The following CENPP variants were observed in gnomAD, a reference collection of about 807,000 sequenced individuals.
CENPP encodes the protein centromere protein P.
A neutral mutation model predicts 35.6 loss-of-function variants in CENPP; 24 were observed. The observed-to-expected ratio is 0.67, with a 90% CI of 0.49 to 0.95. The LOEUF (loss-of-function observed/expected upper bound fraction) is 0.95. CENPP is among the 40% of genes least tolerant of loss of function. CENPP has a pLI of 0.00. For synonymous variants in CENPP, 120 were observed against 125.5 expected (o/e 0.96, Z 0.29); for missense variants, 332 against 345.3 (o/e 0.96, Z 0.31).
intron 5 of CENPP, among the ~76,000 whole-genome samples, chr9:92,582,819 C>A (rs929168067): frequency 7.9e-5 from 12 of 152,076 alleles, no homozygotes; most frequent in Non-Finnish European, 1.6e-4. Flanking sequence ...TCTCAAAGGG[C>A]AGGAAGAGTA....
At chr9:92,501,073 A>T in intron 5 of CENPP, 1 of 1,608,242 alleles carries the variant, frequency 6.2e-7, no homozygotes, top group East Asian at 2.2e-5. Flanking sequence ...AGAAAAAAGT[A>T]AACAGGGTAG....
intron 4 of CENPP, among the ~76,000 whole-genome samples, chr9:92,373,227 A>T (rs1842049436): frequency 6.6e-6 from 1 of 152,070 alleles, no homozygotes; most frequent in Non-Finnish European, 1.5e-5. Context: ...GTTTGAAACC[A>T]GCCTCTTTAA....
intron 5 of CENPP, among the ~76,000 whole-genome samples, chr9:92,599,618 T>C (rs901782308): frequency 7.9e-5 from 12 of 152,120 alleles, no homozygotes; most frequent in African/African-American, 2.9e-4. Flanking sequence ...GGTTTCACCA[T>C]GTTGGCCAGG....
At chr9:92,551,555 C>A (rs1019192053) in intron 5 of CENPP, among the ~76,000 whole-genome samples, 1 of 151,790 alleles carries the variant, frequency 6.6e-6, no homozygotes, top group Non-Finnish European at 1.5e-5. Flanking sequence ...TATTGGGGTA[C>A]AGATGGTATT....
At chr9:92,370,460 A>G (rs550238488) in intron 4 of CENPP, among the ~76,000 whole-genome samples, 7 of 152,034 alleles carry the variant, frequency 4.6e-5, no homozygotes, top group African/African-American at 1.7e-4. Flanking sequence ...GGTCTTTTCT[A>G]TGTTAGACTT....
chr9:92,325,745 C>T (rs1323356575), upstream of CENPP: 1 of 469,210 alleles, frequency 2.1e-6, no homozygotes, highest in African/African-American at 2.1e-5. Flanking sequence ...AGAACGCGCT[C>T]TCCAGAGAAA....
At chr9:92,341,360 A>C (rs950599316) in intron 3 of CENPP, among the ~76,000 whole-genome samples, 1 of 152,098 alleles carries the variant, frequency 6.6e-6, no homozygotes, top group African/African-American at 2.4e-5. Context: ...TCACCCACAC[A>C]TATTCGCACA....
intron 4 of CENPP, among the ~76,000 whole-genome samples, chr9:92,356,478 A>G (rs1841592366): frequency 6.6e-6 from 1 of 152,174 alleles, no homozygotes; most frequent in East Asian, 1.9e-4. Flanking sequence ...TATTGTTCAA[A>G]CACACATGTT....
chr9:92,581,277 T>G (rs754885674), intron 5 of CENPP, among the ~76,000 whole-genome samples: 24 of 152,162 alleles, frequency 1.6e-4, no homozygotes, highest in Non-Finnish European at 3.4e-4. Context: ...GTTGGCAAGA[T>G]TCTGTTAAGC....
At chr9:92,552,354 A>T (rs1361847930) in intron 5 of CENPP, among the ~76,000 whole-genome samples, 1 of 152,084 alleles carries the variant, frequency 6.6e-6, no homozygotes, top group Non-Finnish European at 1.5e-5. Context: ...CTCTGGGTAG[A>T]TACCCAGTAG....
At chr9:92,355,958 G>A (rs1144933) in intron 4 of CENPP, among the ~76,000 whole-genome samples, 16,525 of 152,176 alleles carry the variant, frequency 0.11, 1,048 homozygotes, top group South Asian at 0.21. Flanking sequence ...ATATGCATAT[G>A]CAAAAACTCT....
chr9:92,383,574 TTCTC>T (rs2130874087), intron 5 of CENPP, among the ~76,000 whole-genome samples: 1 of 152,302 alleles, frequency 6.6e-6, no homozygotes, highest in South Asian at 2.1e-4. Flanking sequence ...TATTTTTACT[TTCTC>T]TAATTATTTC....
intron 5 of CENPP, among the ~76,000 whole-genome samples, chr9:92,478,472 G>T (rs75203987): frequency 6.6e-6 from 1 of 151,978 alleles, no homozygotes; most frequent in Non-Finnish European, 1.5e-5. Context: ...TTGTTTGTTC[G>T]AGATGGAGTC....
intron 5 of CENPP, chr9:92,474,542 AT>A: frequency 6.6e-7 from 1 of 1,512,106 alleles, no homozygotes; most frequent in Non-Finnish European, 8.8e-7. Flanking sequence ...TATTTTTGAA[AT>A]TTCAATGAGA....
chr9:92,465,135 C>T, intron 5 of CENPP: 1 of 786,810 alleles, frequency 1.3e-6, no homozygotes, highest in Non-Finnish European at 2.1e-6. Context: ...GAAGCGTGAG[C>T]TTCATCCTTT....
intron 5 of CENPP, among the ~76,000 whole-genome samples, chr9:92,542,757 C>T (rs568490665): frequency 2.2e-4 from 34 of 152,284 alleles, no homozygotes; most frequent in South Asian, 4.1e-4. Flanking sequence ...CGTGATCCAC[C>T]GGCCTCGGCC....
At chr9:92,453,862 G>A (rs901403643) in intron 5 of CENPP, among the ~76,000 whole-genome samples, 4 of 152,174 alleles carry the variant, frequency 2.6e-5, no homozygotes, top group African/African-American at 4.8e-5. Context: ...GCTCACGCCT[G>A]TAATCCCATC....
intron 5 of CENPP, among the ~76,000 whole-genome samples, chr9:92,453,087 G>C (rs982856162): frequency 1.3e-5 from 2 of 151,896 alleles, no homozygotes; most frequent in Non-Finnish European, 2.9e-5. Context: ...GGTTTTTTAT[G>C]TCTCTATTTC....
intron 5 of CENPP, among the ~76,000 whole-genome samples, chr9:92,603,488 C>T (rs1476486502): frequency 6.6e-6 from 1 of 152,150 alleles, no homozygotes; most frequent in Non-Finnish European, 1.5e-5. Flanking sequence ...TGGTGGTACA[C>T]TCACCAAGAC....
Sources: gnomAD v4.1 joint callset for allele counts (sites outside exome capture counted in the v4.1 genomes callset) on GRCh38, gnomAD v4.1.1 for gene constraint, MANE v1.5 for transcripts, NCBI Gene and HGNC (gene_info 2026-07-23, HGNC 2026-07-21) for gene names.